The following RERE variants were observed in gnomAD, a reference collection of about 807,000 sequenced individuals.
The protein encoded by RERE is arginine-glutamic acid dipeptide repeats.
Under a neutral mutation model 146.1 loss-of-function variants are expected in RERE, and 40 were observed. The ratio of observed to expected loss-of-function variants is 0.27; its 90% CI spans 0.21 to 0.36. The LOEUF is 0.36. RERE is among the 10% of genes least tolerant of loss of function. RERE has a pLI of 1.00. For missense variants in RERE, 1,933 were observed against 2,138.7 expected (o/e 0.90, Z 1.90); for synonymous variants, 1,003 against 866.0 (o/e 1.16, Z -2.78).
At chr1:8,399,011 CTT>C (rs1293741240) in intron 12 of RERE, among the ~76,000 whole-genome samples, 1 of 151,996 alleles carries the variant, frequency 6.6e-6, no homozygotes, top group South Asian at 2.1e-4. Flanking sequence ...GGCTGCAAAA[CTT>C]TGCAGACTTT....
At chr1:8,561,346 A>G (rs2124433221) in intron 4 of RERE, among the ~76,000 whole-genome samples, 1 of 152,348 alleles carries the variant, frequency 6.6e-6, no homozygotes, top group East Asian at 1.9e-4. Flanking sequence ...AAGTAGCTGT[A>G]ATATCCACAA....
chr1:8,643,177 C>T (rs1250130026), intron 2 of RERE, among the ~76,000 whole-genome samples: 2 of 152,076 alleles, frequency 1.3e-5, no homozygotes, highest in Non-Finnish European at 2.9e-5. Flanking sequence ...GATCAATTGG[C>T]CCCAGGAAGG....
chr1:8,534,430 C>T (rs1392749938), intron 7 of RERE, among the ~76,000 whole-genome samples: 1 of 152,132 alleles, frequency 6.6e-6, no homozygotes, highest in Non-Finnish European at 1.5e-5. Flanking sequence ...AATATACACA[C>T]ATAAATACAA....
chr1:8,475,393 C>A (rs1203955397), intron 10 of RERE, among the ~76,000 whole-genome samples: 3 of 139,296 alleles, frequency 2.2e-5, no homozygotes, highest in Non-Finnish European at 3.1e-5. Flanking sequence ...AAAAAAAATT[C>A]TTGGCTGGGC....
At chr1:8,374,961 A>C (rs1186824912) in intron 12 of RERE, among the ~76,000 whole-genome samples, 1 of 152,052 alleles carries the variant, frequency 6.6e-6, no homozygotes, top group African/African-American at 2.4e-5. Context: ...CTTCTCCATG[A>C]AGCCTTCCCT....
At chr1:8,749,912 G>A in intron 1 of RERE, among the ~76,000 whole-genome samples, 1 of 152,176 alleles carries the variant, frequency 6.6e-6, no homozygotes, top group East Asian at 1.9e-4. Context: ...AGCACTTTGG[G>A]AGGCCAAGGC....
At chr1:8,366,258 C>T (rs1017464368) in intron 12 of RERE, among the ~76,000 whole-genome samples, 1 of 152,212 alleles carries the variant, frequency 6.6e-6, no homozygotes, top group African/African-American at 2.4e-5. Flanking sequence ...TCAGACCCCA[C>T]CGCTGTTGTA....
At chr1:8,718,366 G>C (rs1344116228) in intron 1 of RERE, among the ~76,000 whole-genome samples, 1 of 152,070 alleles carries the variant, frequency 6.6e-6, no homozygotes, top group Non-Finnish European at 1.5e-5. Context: ...GCTGAAGCAG[G>C]GTGCCCGTTT....
chr1:8,773,250 G>GTTT lies in RERE; in HGVS notation c.-145+43909_-145+43910insAAA, dbSNP rs1052578110. ...CTATTATTTGTCATCTTAACTTAAA[G>GTTT]ATCTAAAAGTCAAAACATCTGTCTA... On this transcript the variant is annotated intron_variant, in intron 1 of 22. Coordinates refer to ENST00000400908, the MANE Select transcript of RERE (RefSeq NM_001042681.2). 4.6e-5 allele frequency among the ~76,000 whole-genome samples: 7 copies of GTTT among 152,138 alleles called. 1 individual carries two copies. Among genetic ancestry groups the GTTT allele is most frequent in the Admixed American group, 3.9e-4 (6 of 15,274 alleles).
intron 12 of RERE, among the ~76,000 whole-genome samples, chr1:8,374,022 C>T (rs1352478151): frequency 2.6e-5 from 4 of 152,254 alleles, no homozygotes; most frequent in Non-Finnish European, 5.9e-5. Context: ...AATATCACCT[C>T]TGTGGTCTCT....
chr1:8,508,452 T>C (rs934722386), intron 8 of RERE, among the ~76,000 whole-genome samples, 175 bp downstream of exon 8: 5 of 152,088 alleles, frequency 3.3e-5, no homozygotes, highest in Admixed American at 3.3e-4. Context: ...CACTTAAAAA[T>C]GGGAGATGGT....
At chr1:8,556,740 A>G (rs921067200) in intron 5 of RERE, among the ~76,000 whole-genome samples, 169 bp from the exon 6 acceptor site, 2 of 152,252 alleles carry the variant, frequency 1.3e-5, no homozygotes, top group Non-Finnish European at 2.9e-5. Context: ...AAGAATAACA[A>G]TAACAGAATG....
chr1:8,687,114 T>C (rs1173799008), intron 1 of RERE, among the ~76,000 whole-genome samples: 1 of 152,224 alleles, frequency 6.6e-6, no homozygotes, highest in Admixed American at 6.5e-5. Context: ...CGGGAGTTTG[T>C]ATCTGTTTTA....
At chr1:8,640,661 G>A (rs1045117514) in intron 2 of RERE, among the ~76,000 whole-genome samples, 15 of 152,076 alleles carry the variant, frequency 9.9e-5, no homozygotes, top group Admixed American at 6.6e-5. Flanking sequence ...TAAAGGTACT[G>A]GATATTTAAT....
chr1:8,631,520 C>T (rs1647035223), intron 2 of RERE, among the ~76,000 whole-genome samples: 1 of 152,138 alleles, frequency 6.6e-6, no homozygotes, highest in African/African-American at 2.4e-5. Flanking sequence ...CTCTGTGGAA[C>T]AAGAAAAAGC....
chr1:8,486,772 A>AAAG (rs397761156), intron 10 of RERE, among the ~76,000 whole-genome samples: 1 of 143,824 alleles, frequency 7.0e-6, no homozygotes, highest in East Asian at 2.1e-4. Context: ...AAAAAAAAAA[A>AAAG]GAAAAGAAAG....
At chr1:8,608,217 CG>C (rs1257362437) in intron 4 of RERE, among the ~76,000 whole-genome samples, 1 of 152,094 alleles carries the variant, frequency 6.6e-6, no homozygotes. Flanking sequence ...TCAACTAGTA[CG>C]GAACAAGGGC....
intron 12 of RERE, among the ~76,000 whole-genome samples, chr1:8,408,537 C>T (rs942645022): frequency 6.6e-6 from 1 of 152,094 alleles, no homozygotes; most frequent in South Asian, 2.1e-4. Context: ...CTTAAAACGA[C>T]TACTGTTTCG....
At chr1:8,646,560 A>C (rs531925971) in intron 2 of RERE, among the ~76,000 whole-genome samples, 44 of 151,820 alleles carry the variant, frequency 2.9e-4, no homozygotes, top group East Asian at 9.6e-4. Context: ...AACAAACAAA[A>C]AAAAAACAGG....
Sources: gnomAD v4.1 joint callset for allele counts (sites outside exome capture counted in the v4.1 genomes callset) on GRCh38, gnomAD v4.1.1 for gene constraint, MANE v1.5 for transcripts, NCBI Gene and HGNC (gene_info 2026-07-23, HGNC 2026-07-21) for gene names.